FSCN1: variants seen among roughly 807,000 people sequenced by gnomAD.
The protein encoded by FSCN1 is fascin actin-bundling protein 1, also known as fascin.
Under a neutral mutation model 39.7 loss-of-function variants are expected in FSCN1, and 10 were observed. The ratio of observed to expected loss-of-function variants is 0.25; its 90% confidence interval spans 0.16 to 0.43. FSCN1 has a LOEUF of 0.43. FSCN1 is among the 20% of genes least tolerant of loss of function. FSCN1 has a pLI of 1.00. For synonymous variants in FSCN1, 322 were observed against 320.0 expected (o/e 1.01, Z -0.07); for missense variants, 525 against 723.8 (o/e 0.73, Z 3.15).
chr7:5,594,293 T>C (rs1278824410), intron 1 of FSCN1, among the ~76,000 whole-genome samples: 1 of 151,686 alleles, frequency 6.6e-6, no homozygotes, highest in Non-Finnish European at 1.5e-5. Flanking sequence ...GGGGCGCGCC[T>C]CCACCTCCCC....
chr7:5,596,427 G>C (rs756211874), intron 1 of FSCN1, among the ~76,000 whole-genome samples: 1 of 152,232 alleles, frequency 6.6e-6, no homozygotes, highest in Non-Finnish European at 1.5e-5. Context: ...GGCTGGCCCA[G>C]AGCTGCCCTG....
At chr7:5,596,018 T>G (rs2128548836) in intron 1 of FSCN1, among the ~76,000 whole-genome samples, 1 of 128,400 alleles carries the variant, frequency 7.8e-6, no homozygotes, top group African/African-American at 3.0e-5. Context: ...TTGAAAGGGA[T>G]GTGGGACGGC....
intron 1 of FSCN1, among the ~76,000 whole-genome samples, chr7:5,598,171 A>G (rs182642973): frequency 6.6e-6 from 1 of 152,202 alleles, no homozygotes; most frequent in East Asian, 1.9e-4. Context: ...GGCCCTTTTG[A>G]CAGGTGGGGA....
rs1358905251 is a variant in FSCN1, at chr7:5,606,331, G to T, written c.*857G>T. 7 of 152,120 alleles carry T rather than the reference G, an allele frequency of 4.6e-5. No homozygotes were observed. In the East Asian group the frequency reaches 1.4e-3, roughly 29 times the overall value. The allele number at this position is 152,120 out of a possible 1,614,324, so 9.4% of individuals were successfully genotyped here. A position where few individuals can be genotyped will look rare whatever the true frequency, so the allele number is the denominator to read the frequency against. ...GGCGTCTCAGCACCCTCCCCAGGGG[G>T]TGCATCTCAGCCCCCTCTTTCCGTC... On this transcript the variant is annotated 3_prime_UTR_variant, in exon 5 of 5. Coordinates refer to ENST00000382361, the MANE Select transcript of FSCN1 (RefSeq NM_003088.4). The surrounding 1 kb of genome is among the most constrained non-coding windows in gnomAD (Gnocchi z 5.1).
chr7:5,592,882 G>A lies in FSCN1; in HGVS notation c.-55G>A, dbSNP rs1304959658. 5.3e-6 allele frequency: 6 copies of A among 1,137,658 alleles called. No individual in the cohort carries two copies. Among genetic ancestry groups the A allele is most frequent in the Non-Finnish European group, 6.1e-6 (5 of 818,994 alleles). 70.5% of individuals were successfully genotyped at this position (1,137,658 alleles called of 1,614,324 possible). On this transcript the variant is annotated 5_prime_UTR_variant, in exon 1 of 5. Coordinates refer to ENST00000382361, the MANE Select transcript of FSCN1 (RefSeq NM_003088.4). The surrounding 1 kb of genome is among the most constrained non-coding windows in gnomAD (Gnocchi z 5.3). The stretch of plus-strand genomic sequence containing the variant: ...ACAAAGGAGCAGGGGCGCCGCCGCA[G>A]GGACCCGCCACCCACCTCCCGGGGC...
At chr7:5,597,056 G>A (rs537229924) in intron 1 of FSCN1, among the ~76,000 whole-genome samples, 1 of 152,296 alleles carries the variant, frequency 6.6e-6, no homozygotes, top group East Asian at 1.9e-4. Context: ...AGACAGAATG[G>A]TTCAGAAGGC....
rs139232758 is a variant in FSCN1 at position 5,603,953 on chromosome 7, C to T, written c.1202C>T (p.Thr401Met). The T allele has an allele frequency of 8.1e-5, 130 of 1,613,908 alleles. No homozygotes were observed. The highest frequency in any genetic ancestry group is 1.0e-4 in the Non-Finnish European group (121 of 1,180,010). The change falls in exon 4 of 5, where the codon ACG becomes ATG. Residue 401 changes from threonine (T) to methionine (M), a missense_variant. Around this residue, in one of 3 missense-constraint regions of FSCN1, gnomAD observed 275 missense variants for 351.9 expected, o/e 0.78. Coordinates refer to ENST00000382361, the MANE Select transcript of FSCN1 (RefSeq NM_003088.4). The surrounding 1 kb of genome is among the most constrained non-coding windows in gnomAD (Gnocchi z 8.5). The part of the protein sequence containing the change: ...EHGFIGCRKV[T>M]GTLDANRSSY... ...GGCTTCATCGGCTGCCGCAAGGTCA[C>T]GGGCACCCTGGACGCCAACCGCTCC...
Position 5,593,760 on chromosome 7 carries a change from C to A in FSCN1, c.824C>A (p.Thr275Lys). The A allele has an allele frequency of 6.4e-7, 1 of 1,574,654 alleles. No homozygotes were observed. The highest frequency in any genetic ancestry group is 8.6e-7 in the Non-Finnish European group (1 of 1,166,144). The change falls in exon 1 of 5, where the codon ACG becomes AAG. Residue 275 changes from threonine (T) to lysine (K), a missense_variant. Physicochemically the swap from Thr to Lys is moderately conservative, Grantham distance 78. Around this residue, in one of 3 missense-constraint regions of FSCN1, gnomAD observed 275 missense variants for 351.9 expected, o/e 0.78. Transcript: ENST00000382361. ...LQAANERNVSTRQGMDLSANQ... is the reference protein window; with the variant it reads ...LQAANERNVSKRQGMDLSANQ... ...GCGGCCAACGAGAGGAACGTGTCCA[C>A]GCGCCAGGGTGAGTGGGGACGCTGC...
chr7:5,593,860 G>C (rs978201835), intron 1 of FSCN1, 92 bp downstream of exon 1: 9 of 914,878 alleles, frequency 9.8e-6, no homozygotes, highest in African/African-American at 3.5e-5. Flanking sequence ...TCTCGCTCGC[G>C]GCGCCGCTGC....
At chr7:5,604,658 TA>T (rs1785900088) in intron 4 of FSCN1, among the ~76,000 whole-genome samples, 1 of 134,512 alleles carries the variant, frequency 7.4e-6, no homozygotes, top group African/African-American at 2.8e-5. Context: ...TAAAATTTAT[TA>T]TTTATTTATT....
rs1224580877 is a variant in FSCN1 at position 5,606,102 on chromosome 7, A to G, written c.*628A>G. Reference sequence around the variant, plus strand: ...CCTGGAGCGGCAGGGCGTGACGGCCACAGGGTCTGCCCGCTGCACGTTCTG... The same window carrying G: ...CCTGGAGCGGCAGGGCGTGACGGCCGCAGGGTCTGCCCGCTGCACGTTCTG... On this transcript the variant is annotated 3_prime_UTR_variant, in exon 5 of 5. Transcript: ENST00000382361. The surrounding 1 kb of genome is among the most constrained non-coding windows in gnomAD (Gnocchi z 5.1). 6.6e-6 allele frequency: 1 copy of G among 152,080 alleles called. No homozygotes were observed. The highest frequency in any genetic ancestry group is 1.5e-5 in the Non-Finnish European group (1 of 68,044). 9.4% of individuals were successfully genotyped at this position (152,080 alleles called of 1,614,324 possible). A position where few individuals can be genotyped will look rare whatever the true frequency, so the allele number is the denominator to read the frequency against.
chr7:5,597,432 A>T (rs1479582895), intron 1 of FSCN1, among the ~76,000 whole-genome samples: 2 of 152,064 alleles, frequency 1.3e-5, no homozygotes, highest in Non-Finnish European at 2.9e-5. Context: ...TTGGGAGTCC[A>T]AGGTGGGTGG....
intron 1 of FSCN1, among the ~76,000 whole-genome samples, chr7:5,594,361 T>G (rs1184994780): frequency 7.5e-6 from 1 of 132,832 alleles, no homozygotes; most frequent in African/African-American, 3.2e-5. Context: ...CCTCCGCTGG[T>G]GGGGGGGGGC....
chr7:5,592,953 C>T lies in FSCN1; in HGVS notation c.17C>T (p.Thr6Ile). MTANG[T>I]AEAVQIQFGL... ...ACTGCCACCATGACCGCCAACGGCA[C>T]AGCCGAGGCGGTGCAGATCCAGTTC... The change falls in exon 1 of 5, where the codon ACA becomes ATA. Residue 6 changes from threonine to isoleucine, a missense_variant. Thr to Ile is a moderately conservative substitution (Grantham distance 89). This residue lies in a region of FSCN1 where 246 missense variants were observed against 350.6 expected (regional missense o/e 0.70). Coordinates refer to ENST00000382361, the MANE Select transcript of FSCN1 (RefSeq NM_003088.4). The surrounding 1 kb of genome is among the most constrained non-coding windows in gnomAD (Gnocchi z 5.3). 6.4e-7 allele frequency: 1 copy of T among 1,553,050 alleles called. No homozygotes were observed.
chr7:5,603,575 T>G lies in FSCN1; in HGVS notation c.1069T>G (p.Ser357Ala). 6.2e-7 allele frequency: 1 copy of G among 1,613,982 alleles called. No individual in the cohort carries two copies. The highest frequency in any genetic ancestry group is 8.5e-7 in the Non-Finnish European group (1 of 1,179,996). ...GGCGTCCAATGGCAAGTTTGTGACCTCCAAGAAGAATGGGCAGCTGGCCGC... is the reference window on the plus strand; with the variant it reads ...GGCGTCCAATGGCAAGTTTGTGACCGCCAAGAAGAATGGGCAGCTGGCCGC... ...LRASNGKFVT[S>A]KKNGQLAASV... Residue 357 changes from serine (S) to alanine (A), a missense_variant, in exon 3 of 5, where the codon TCC (serine) becomes GCC (alanine). Ser to Ala is a moderately conservative substitution (Grantham distance 99). Around this residue, in one of 3 missense-constraint regions of FSCN1, gnomAD observed 275 missense variants for 351.9 expected, o/e 0.78. Transcript: ENST00000382361. The surrounding 1 kb of genome is among the most constrained non-coding windows in gnomAD (Gnocchi z 8.5).
rs536457091 is a variant in FSCN1, at chr7:5,603,702, A to G, written c.1111+85A>G. On this transcript the variant is annotated intron_variant, in intron 3 of 4. Transcript: ENST00000382361. The surrounding 1 kb of genome is among the most constrained non-coding windows in gnomAD (Gnocchi z 8.5). ...CCGTGGTCACTTGGTAGCCCCAGCC[A>G]AGGCCTGCTCTGTGCTGGGCATCCC... 494 of 1,582,130 alleles carry G rather than the reference A, an allele frequency of 3.1e-4. 1 individual carries two copies. The African/African-American group carries it at 6.2e-3, about 20-fold the overall frequency.
Position 5,593,726 on chromosome 7 carries a change from G to C in FSCN1, c.790G>C (p.Val264Leu). The change falls in exon 1 of 5, where the codon GTG becomes CTG. Residue 264 changes from valine to leucine, a missense_variant. Val to Leu is a conservative substitution (Grantham distance 32, BLOSUM62 1). Transcript: ENST00000382361. ...FALEQSCAQV[V>L]LQAANERNVS... Reference sequence around the variant, plus strand: ...TCTGGAGCAGAGCTGCGCCCAGGTCGTGCTGCAGGCGGCCAACGAGAGGAA... The same window carrying C: ...TCTGGAGCAGAGCTGCGCCCAGGTCCTGCTGCAGGCGGCCAACGAGAGGAA... 1 of 1,592,338 alleles carries C rather than the reference G, an allele frequency of 6.3e-7. No individual in the cohort carries two copies. Among genetic ancestry groups the C allele is most frequent in the South Asian group, 1.1e-5 (1 of 89,424 alleles).
At chr7:5,595,607 A>AT (rs1375724230) in intron 1 of FSCN1, among the ~76,000 whole-genome samples, 3 of 152,076 alleles carry the variant, frequency 2.0e-5, no homozygotes, top group African/African-American at 7.2e-5. Flanking sequence ...GGTGGCAGGT[A>AT]TGGGGGGGGT....
At position 5,605,302 on chromosome 7, in the gene FSCN1, G is replaced by A. The variant is rs770358311; in HGVS notation, c.1310G>A (p.Ser437Asn). Reference protein sequence around the residue: ...DSTGKYWTVGSDSAVTSSGDT... With the variant: ...DSTGKYWTVGNDSAVTSSGDT... ...ACAGGCAAATACTGGACGGTGGGCA[G>A]TGACTCCGCGGTCACCAGCAGCGGC... The change falls in exon 5 of 5, where the codon AGT (serine) becomes AAT (asparagine). Residue 437 changes from serine to asparagine, a missense_variant. By Grantham distance (46) the Ser-to-Asn change is conservative. Around this residue, in one of 3 missense-constraint regions of FSCN1, gnomAD observed 275 missense variants for 351.9 expected, o/e 0.78. Transcript: ENST00000382361. This position sits in a 1 kb window ranked among gnomAD's most constrained non-coding sequence, Gnocchi z 6.9. 17 of 1,613,802 alleles carry A rather than the reference G, an allele frequency of 1.1e-5. No individual in the cohort carries two copies. In the East Asian group the frequency reaches 3.3e-4, roughly 32 times the overall value.
Sources: gnomAD v4.1 joint callset for allele counts (sites outside exome capture counted in the v4.1 genomes callset) on GRCh38, gnomAD v4.1.1 for gene constraint, gnomAD v4.1.1 regional missense constraint, Gnocchi (gnomAD v3.1) non-coding constraint, MANE v1.5 for transcripts, NCBI Gene and HGNC (gene_info 2026-07-23, HGNC 2026-07-21) for gene names.